EPB41: variants seen among roughly 807,000 people sequenced by gnomAD.
EPB41 encodes the protein protein 4.1.
In EPB41, 65 loss-of-function variants were observed where a neutral mutation model predicts 108.0. That is an observed-to-expected ratio of 0.60 (90% CI 0.49 to 0.74). EPB41 has a LOEUF of 0.74. Among genes scored for constraint, EPB41 ranks in the 30% least tolerant of loss-of-function variants. The pLI, the probability that EPB41 is intolerant of heterozygous loss-of-function variation, is 0.00. For synonymous variants in EPB41, 336 were observed against 358.9 expected (o/e 0.94, Z 0.72); for missense variants, 875 against 1,037.0 (o/e 0.84, Z 2.15).
chr1:28,983,180 A>C (rs2095797919), intron 1 of EPB41, among the ~76,000 whole-genome samples: 1 of 152,380 alleles, frequency 6.6e-6, no homozygotes, highest in Non-Finnish European at 1.5e-5. Context: ...AGTCTGATTA[A>C]GTGCCAAAAA....
intron 16 of EPB41, among the ~76,000 whole-genome samples, chr1:29,085,252 C>T (rs1463781691): frequency 6.7e-6 from 1 of 148,914 alleles, no homozygotes; most frequent in Non-Finnish European, 1.5e-5. Flanking sequence ...AAGTGATTCT[C>T]ATGCCTCAGC....
At chr1:29,043,900 A>G (rs1642400226) in intron 11 of EPB41, among the ~76,000 whole-genome samples, 1 of 152,232 alleles carries the variant, frequency 6.6e-6, no homozygotes, top group African/African-American at 2.4e-5. Context: ...GATAGGGCTG[A>G]CTGAATTGCT....
Position 28,993,328 on chromosome 1 carries a change from A to G in EPB41, c.469-2A>G, listed in dbSNP as rs767976517. On this transcript the variant is annotated splice_acceptor_variant, in intron 2 of 20. Coordinates refer to ENST00000343067, the MANE Select transcript of EPB41 (RefSeq NM_001376013.1). LOFTEE classifies it high-confidence loss of function. ...TGACTTGGCGATGTCATGGATATGT[A>G]GCCTGCTCAGGAAGAACTCAGAGAA... 3 of 1,612,008 alleles carry G rather than the reference A, an allele frequency of 1.9e-6. No homozygotes were observed. The highest frequency in any genetic ancestry group is 2.5e-6 in the Non-Finnish European group (3 of 1,179,600).
intron 11 of EPB41, among the ~76,000 whole-genome samples, chr1:29,045,297 TA>T (rs1642827699): frequency 6.6e-6 from 1 of 152,108 alleles, no homozygotes. Flanking sequence ...ATTTTTGGTG[TA>T]GGTAACTTGT....
intron 11 of EPB41, among the ~76,000 whole-genome samples, chr1:29,042,085 C>A (rs991725817): frequency 6.6e-6 from 1 of 152,136 alleles, no homozygotes; most frequent in Non-Finnish European, 1.5e-5. Flanking sequence ...ATATGTAGAC[C>A]ATTGTACAGC....
At chr1:28,952,385 G>C (rs2094768703) in intron 1 of EPB41, among the ~76,000 whole-genome samples, 1 of 152,038 alleles carries the variant, frequency 6.6e-6, no homozygotes, top group Admixed American at 6.6e-5. Context: ...AATTAGCCAT[G>C]CATGGTGGCG....
chr1:29,058,996 C>A, intron 14 of EPB41, 144 bp downstream of exon 14: 1 of 824,964 alleles, frequency 1.2e-6, no homozygotes, highest in Non-Finnish European at 2.0e-6. Context: ...GGATATGGGC[C>A]AGGAGCATTG....
chr1:29,053,469 A>G, intron 12 of EPB41, 157 bp downstream of exon 12: 1 of 867,916 alleles, frequency 1.2e-6, no homozygotes, highest in Non-Finnish European at 1.9e-6. Context: ...ATGAACCTAT[A>G]AAATATTTTC....
At chr1:29,024,359 C>T (rs752123656) in intron 7 of EPB41, among the ~76,000 whole-genome samples, 3 of 150,358 alleles carry the variant, frequency 2.0e-5, no homozygotes, top group East Asian at 2.0e-4. Flanking sequence ...AAAGGCCGAG[C>T]GTGGTGGCTC....
At chr1:29,085,141 C>CTTTT (rs527593950) in intron 16 of EPB41, among the ~76,000 whole-genome samples, 168 of 117,298 alleles carry the variant, frequency 1.4e-3, no homozygotes, top group East Asian at 8.1e-3. Context: ...CTTTGATCTT[C>CTTTT]TTTTTTTTTT....
chr1:29,087,143 A>G (rs764889051), intron 16 of EPB41, among the ~76,000 whole-genome samples: 10 of 151,850 alleles, frequency 6.6e-5, no homozygotes, highest in Admixed American at 2.0e-4. Flanking sequence ...GGGTTTTACC[A>G]TGTTAGCCAG....
chr1:29,099,655 C>T (rs1664580460), intron 17 of EPB41, among the ~76,000 whole-genome samples: 2 of 152,166 alleles, frequency 1.3e-5, no homozygotes, highest in African/African-American at 4.8e-5. Flanking sequence ...TTGGTAGTTT[C>T]AATGGACTAG....
intron 9 of EPB41, among the ~76,000 whole-genome samples, chr1:29,034,884 T>G (rs1282943533): frequency 6.6e-6 from 1 of 151,716 alleles, no homozygotes; most frequent in African/African-American, 2.4e-5. Flanking sequence ...CACAAAAAAA[T>G]AATAAGTGTG....
intron 1 of EPB41, among the ~76,000 whole-genome samples, chr1:28,935,471 C>CACACACACACACACACACACAG (rs1557725675): frequency 1.6e-4 from 8 of 49,466 alleles, no homozygotes. Context: ...ACACACACCC[C>CACACACACACACACACACACAG]CCCCCCCCCA....
intron 1 of EPB41, among the ~76,000 whole-genome samples, chr1:28,955,328 G>C (rs2094901074): frequency 6.6e-6 from 1 of 151,432 alleles, no homozygotes; most frequent in Non-Finnish European, 1.5e-5. Context: ...TTGACAATCT[G>C]ATGATCTGTT....
intron 16 of EPB41, among the ~76,000 whole-genome samples, chr1:29,082,296 G>C (rs2151276463): frequency 6.6e-6 from 1 of 152,102 alleles, no homozygotes; most frequent in South Asian, 2.1e-4. Context: ...GGCTAATTTT[G>C]TATTTTTAGT....
At chr1:28,969,622 G>A (rs908891565) in intron 1 of EPB41, among the ~76,000 whole-genome samples, 9 of 151,726 alleles carry the variant, frequency 5.9e-5, no homozygotes, top group Non-Finnish European at 1.0e-4. Context: ...AAAATTGGCC[G>A]GTCGCAGTGG....
chr1:28,935,192 A>G (rs938587653), intron 1 of EPB41, among the ~76,000 whole-genome samples: 3 of 152,004 alleles, frequency 2.0e-5, no homozygotes, highest in Admixed American at 2.0e-4. Context: ...GCACTTTGGG[A>G]GGATGAGGCA....
At chr1:28,955,880 A>G (rs1293267924) in intron 1 of EPB41, among the ~76,000 whole-genome samples, 1 of 152,266 alleles carries the variant, frequency 6.6e-6, no homozygotes, top group Non-Finnish European at 1.5e-5. Flanking sequence ...GTTTGAAAAC[A>G]ATGACTTTTC....
Sources: allele counts gnomAD v4.1 joint callset (sites outside exome capture counted in the v4.1 genomes callset), GRCh38; gene constraint gnomAD v4.1.1; transcripts MANE v1.5; gene names NCBI Gene and HGNC (gene_info 2026-07-23, HGNC 2026-07-21).